PIP5K1B: variants seen among roughly 807,000 people sequenced by gnomAD.
PIP5K1B encodes phosphatidylinositol-4-phosphate 5-kinase type 1 beta, also known as phosphatidylinositol 4-phosphate 5-kinase type-1 beta.
Under a neutral mutation model 67.0 loss-of-function variants are expected in PIP5K1B, and 42 were observed. The ratio of observed to expected loss-of-function variants is 0.63; its 90% CI spans 0.49 to 0.81. The LOEUF (loss-of-function observed/expected upper bound fraction) is 0.81, where lower values mean the gene tolerates loss of function less well. Among genes scored for constraint, PIP5K1B ranks in the 30% least tolerant of loss-of-function variants. The probability of loss-of-function intolerance (pLI) is 0.00; values close to 1 mark genes in which losing one functional copy is unlikely to be tolerated. For missense variants in PIP5K1B, 459 were observed against 646.3 expected (o/e 0.71, Z 3.14); for synonymous variants, 214 against 231.4 (o/e 0.92, Z 0.68).
intron 5 of PIP5K1B, among the ~76,000 whole-genome samples, chr9:68,875,163 T>C (rs1823818356): frequency 6.6e-6 from 1 of 151,970 alleles, no homozygotes; most frequent in South Asian, 2.1e-4. Flanking sequence ...CAGGCAGTCT[T>C]AGTCCCTGTG....
At chr9:68,925,931 G>A (rs1292824617) in intron 12 of PIP5K1B, among the ~76,000 whole-genome samples, 1 of 150,288 alleles carries the variant, frequency 6.7e-6, no homozygotes, top group African/African-American at 2.4e-5. Flanking sequence ...CTGAGTAGCT[G>A]GGATTACAAG....
chr9:68,978,968 G>A (rs959178296), intron 14 of PIP5K1B, among the ~76,000 whole-genome samples: 5 of 152,184 alleles, frequency 3.3e-5, no homozygotes, highest in Non-Finnish European at 7.3e-5. Flanking sequence ...TATGATATGA[G>A]TAGGGGTGTC....
chr9:68,826,089 A>G (rs535535092), intron 4 of PIP5K1B, among the ~76,000 whole-genome samples: 1 of 152,334 alleles, frequency 6.6e-6, no homozygotes, highest in African/African-American at 2.4e-5. Context: ...TGAGGTTAAT[A>G]ATGTCTTCAG....
chr9:68,834,571 A>G (rs1357210321), intron 4 of PIP5K1B, among the ~76,000 whole-genome samples: 2 of 152,110 alleles, frequency 1.3e-5, no homozygotes, highest in Non-Finnish European at 2.9e-5. Flanking sequence ...CATCCAAAGG[A>G]TGTATCACTT....
chr9:68,930,965 G>A (rs1412925394), intron 12 of PIP5K1B, among the ~76,000 whole-genome samples: 2 of 151,970 alleles, frequency 1.3e-5, no homozygotes, highest in Admixed American at 6.6e-5. Context: ...AGACACTTGA[G>A]TTAACTTTAA....
intron 14 of PIP5K1B, among the ~76,000 whole-genome samples, chr9:68,945,554 T>G (rs1210052151): frequency 6.6e-6 from 1 of 152,236 alleles, no homozygotes; most frequent in East Asian, 1.9e-4. Flanking sequence ...ATAATATTAG[T>G]CCTACTTCAA....
At chr9:68,804,412 C>T (rs980041617) in intron 2 of PIP5K1B, among the ~76,000 whole-genome samples, 7 of 151,994 alleles carry the variant, frequency 4.6e-5, no homozygotes, top group Admixed American at 1.3e-4. Context: ...CACCATTCCT[C>T]GGGGAGGCAG....
chr9:68,927,417 A>C (rs923061951), intron 12 of PIP5K1B, among the ~76,000 whole-genome samples: 1 of 152,208 alleles, frequency 6.6e-6, no homozygotes, highest in Non-Finnish European at 1.5e-5. Flanking sequence ...GTTTCTCTAC[A>C]TCCTCACTGA....
chr9:68,887,998 G>A (rs966326950), intron 6 of PIP5K1B, among the ~76,000 whole-genome samples: 1 of 67,036 alleles, frequency 1.5e-5, no homozygotes, highest in Non-Finnish European at 3.0e-5. Flanking sequence ...TTTTTTTTTT[G>A]AGCAGAGTCT....
intron 8 of PIP5K1B, among the ~76,000 whole-genome samples, chr9:68,916,487 G>T (rs1344990260): frequency 6.6e-6 from 1 of 152,126 alleles, no homozygotes; most frequent in Non-Finnish European, 1.5e-5. Flanking sequence ...CCCACTGTCT[G>T]CTGAGTGGAT....
Position 68,991,263 on chromosome 9 carries a change from T to C in PIP5K1B, c.1620+6T>C, listed in dbSNP as rs1830353340. 6.6e-7 allele frequency: 1 copy of C among 1,520,844 alleles called. No individual in the cohort carries two copies. Among genetic ancestry groups the C allele is most frequent in the Non-Finnish European group, 9.1e-7 (1 of 1,094,930 alleles). The allele number at this position is 1,520,844 out of a possible 1,614,324, so 94.2% of individuals were successfully genotyped here. ...CTGTGCTTGACGTCTATTTAGTAAG[T>C]AATTTTTTAGTTTCCTCTCCTCCAC... On this transcript the variant is annotated splice_donor_region_variant and intron_variant, in intron 15 of 15. Coordinates refer to ENST00000265382, the MANE Select transcript of PIP5K1B (RefSeq NM_003558.4).
chr9:68,832,539 T>A (rs1022408754), intron 4 of PIP5K1B, among the ~76,000 whole-genome samples: 3 of 152,226 alleles, frequency 2.0e-5, no homozygotes, highest in African/African-American at 7.2e-5. Context: ...AAGGAATATG[T>A]GGCAGCTCAG....
intron 2 of PIP5K1B, among the ~76,000 whole-genome samples, chr9:68,749,538 A>G (rs1829512753): frequency 6.6e-6 from 1 of 152,220 alleles, no homozygotes. Flanking sequence ...TTGTTACAGC[A>G]GCCTCAGGAA....
chr9:68,741,056 A>G (rs1018756893), intron 1 of PIP5K1B, among the ~76,000 whole-genome samples: 1 of 152,200 alleles, frequency 6.6e-6, no homozygotes. Context: ...TGCCCATTTA[A>G]CCACACTTAG....
intron 14 of PIP5K1B, among the ~76,000 whole-genome samples, chr9:68,976,048 C>G (rs1299610428): frequency 6.6e-6 from 1 of 152,192 alleles, no homozygotes; most frequent in Non-Finnish European, 1.5e-5. Context: ...CAACATGGCT[C>G]TGAATAAAGC....
intron 2 of PIP5K1B, among the ~76,000 whole-genome samples, chr9:68,762,839 G>A (rs1047692948): frequency 2.0e-5 from 3 of 152,030 alleles, no homozygotes; most frequent in Non-Finnish European, 2.9e-5. Flanking sequence ...GAAGACAATG[G>A]GGATACTATC....
chr9:68,812,098 G>T (rs2132030026), intron 2 of PIP5K1B, among the ~76,000 whole-genome samples: 1 of 152,316 alleles, frequency 6.6e-6, no homozygotes, highest in African/African-American at 2.4e-5. Context: ...CCAACTAAGG[G>T]CGTCACTTTT....
intron 2 of PIP5K1B, among the ~76,000 whole-genome samples, chr9:68,776,295 A>G (rs1271825700): frequency 6.6e-6 from 1 of 152,176 alleles, no homozygotes; most frequent in African/African-American, 2.4e-5. Flanking sequence ...TTAATAGTGA[A>G]AAATTGCCCT....
chr9:68,966,169 A>G (rs928024316), intron 14 of PIP5K1B, among the ~76,000 whole-genome samples: 1 of 152,146 alleles, frequency 6.6e-6, no homozygotes, highest in African/African-American at 2.4e-5. Flanking sequence ...ATATGATTGA[A>G]TAAATAAATA....
Sources: allele counts gnomAD v4.1 joint callset (sites outside exome capture counted in the v4.1 genomes callset), GRCh38; gene constraint gnomAD v4.1.1; transcripts MANE v1.5; gene names NCBI Gene and HGNC (gene_info 2026-07-23, HGNC 2026-07-21).